Variants in PRRG1 observed in about 807,000 individuals in gnomAD.
PRRG1 encodes the protein proline rich and Gla domain 1.
PRRG1 carries 5 observed loss-of-function variants against 11.8 expected under a neutral mutation model. That is an observed-to-expected ratio of 0.42 (90% CI 0.22 to 0.89). The LOEUF is 0.89. Ranked by LOEUF, PRRG1 falls within the 40% of genes least tolerant of loss-of-function variation. The pLI, the probability that PRRG1 is intolerant of heterozygous loss-of-function variation, is 0.28. For synonymous variants in PRRG1, 66 were observed against 60.4 expected (o/e 1.09, Z -0.43); for missense variants, 155 against 166.1 (o/e 0.93, Z 0.37).
chrX:37,442,457 G>A (rs1358240326), intron 3 of PRRG1, among the ~76,000 whole-genome samples: 3 of 107,961 alleles, frequency 2.8e-5, no homozygotes, highest in African/African-American at 6.8e-5. Context: ...GGTGGGGTGA[G>A]GTGGGGTAGG....
intron 1 of PRRG1, among the ~76,000 whole-genome samples, chrX:37,352,692 C>T (rs781973532): frequency 1.8e-5 from 2 of 111,744 alleles, no homozygotes; most frequent in African/African-American, 3.2e-5. Context: ...CTGGAGAAAT[C>T]GAAAATTGGA....
chrX:37,403,143 T>G (rs1489469574), intron 1 of PRRG1, among the ~76,000 whole-genome samples: 42 of 108,590 alleles, frequency 3.9e-4, no homozygotes, highest in African/African-American at 9.7e-4. Context: ...TATACCCAAA[T>G]GACTATAAAT....
intron 3 of PRRG1, chrX:37,441,137 A>G (rs1445843441): frequency 7.5e-6 from 6 of 800,149 alleles, no homozygotes; most frequent in African/African-American, 5.0e-5. Context: ...GGAAGGAGCT[A>G]TTATACCAGA....
At chrX:37,416,903 T>C (rs1421386362) in intron 2 of PRRG1, among the ~76,000 whole-genome samples, 1 of 111,864 alleles carries the variant, frequency 8.9e-6, no homozygotes, top group Non-Finnish European at 1.9e-5. Context: ...TCTCTCTATG[T>C]CCTTTTTCCT....
At chrX:37,445,078 G>A (rs951553749) in intron 3 of PRRG1, among the ~76,000 whole-genome samples, 3 of 111,609 alleles carry the variant, frequency 2.7e-5, no homozygotes, top group African/African-American at 9.8e-5. Context: ...ATGGCTAGGC[G>A]GCGCTTGACA....
chrX:37,453,727 T>C lies in PRRG1; in HGVS notation c.*106T>C. 1 of 795,782 alleles carries C rather than the reference T, an allele frequency of 1.3e-6. No homozygotes were observed. The highest frequency in any genetic ancestry group is 1.7e-6 in the Non-Finnish European group (1 of 587,169). 65.6% of individuals were successfully genotyped at this position (795,782 alleles called of 1,213,427 possible). A position where few individuals can be genotyped will look rare whatever the true frequency, so the allele number is the denominator to read the frequency against. On this transcript the variant is annotated 3_prime_UTR_variant, in exon 4 of 4. Transcript: ENST00000378628. ...TTCATTGACTTATTTTATTGGACTC[T>C]TACCGCATACCACTTCACACTTGTT...
At chrX:37,368,522 A>G (rs1930654120) in intron 1 of PRRG1, among the ~76,000 whole-genome samples, 2 of 111,372 alleles carry the variant, frequency 1.8e-5, no homozygotes, top group Non-Finnish European at 3.8e-5. Flanking sequence ...TATCTTTTCC[A>G]TCTGTGTACT....
At chrX:37,446,856 C>T (rs1224213199) in intron 3 of PRRG1, among the ~76,000 whole-genome samples, 1 of 110,486 alleles carries the variant, frequency 9.1e-6, no homozygotes, top group Non-Finnish European at 1.9e-5. Context: ...TATAACAATC[C>T]ACTCTCTCGG....
intron 1 of PRRG1, among the ~76,000 whole-genome samples, chrX:37,390,696 G>T (rs1289997870): frequency 1.8e-5 from 2 of 111,901 alleles, no homozygotes; most frequent in Non-Finnish European, 3.8e-5. Flanking sequence ...GAGTGTCCAG[G>T]ATCGTCTTCT....
At chrX:37,422,332 A>G (rs1454612329) in intron 2 of PRRG1, among the ~76,000 whole-genome samples, 1 of 112,294 alleles carries the variant, frequency 8.9e-6, no homozygotes, top group East Asian at 2.8e-4. Flanking sequence ...AAGGAAGCCA[A>G]TAATCCTGAC....
intron 1 of PRRG1, among the ~76,000 whole-genome samples, chrX:37,380,540 T>A (rs1431494185): frequency 9.0e-6 from 1 of 110,982 alleles, no homozygotes; most frequent in Non-Finnish European, 1.9e-5. Context: ...ACTCATTGGG[T>A]TTTTAATGAG....
intron 1 of PRRG1, among the ~76,000 whole-genome samples, chrX:37,358,670 A>G (rs782008673): frequency 2.3e-4 from 26 of 111,629 alleles, no homozygotes; most frequent in Admixed American, 2.9e-4. Flanking sequence ...GTGTTCTACA[A>G]TATTGTCTTG....
intron 1 of PRRG1, among the ~76,000 whole-genome samples, chrX:37,368,053 C>T (rs1390420917): frequency 8.9e-6 from 1 of 111,946 alleles, no homozygotes; most frequent in Non-Finnish European, 1.9e-5. Flanking sequence ...AGAATACACT[C>T]CATATGATTC....
Position 37,378,667 on chromosome X carries a change from C to T in PRRG1, c.-41-27542C>T, listed in dbSNP as rs782290133. On this transcript the variant is annotated intron_variant, in intron 1 of 3. Coordinates refer to ENST00000378628, the MANE Select transcript of PRRG1 (RefSeq NM_001142395.2). Reference sequence around the variant, plus strand: ...GATCTCCTAGGATCTTTGCCAGGTTCGTAATTGCACTGAGATTTTTAATGA... The same window carrying T: ...GATCTCCTAGGATCTTTGCCAGGTTTGTAATTGCACTGAGATTTTTAATGA... 7.2e-5 allele frequency among the ~76,000 whole-genome samples: 8 copies of T among 111,378 alleles called. No homozygotes were observed. In the South Asian group the frequency reaches 1.1e-3, roughly 16 times the overall value.
At chrX:37,361,071 G>A (rs921335037) in intron 1 of PRRG1, among the ~76,000 whole-genome samples, 2 of 112,324 alleles carry the variant, frequency 1.8e-5, no homozygotes, top group Non-Finnish European at 3.8e-5. Flanking sequence ...GGCCGGGTGC[G>A]GTGGCTCACG....
intron 3 of PRRG1, among the ~76,000 whole-genome samples, chrX:37,430,564 AT>A (rs1438359874): frequency 5.4e-5 from 6 of 111,828 alleles, no homozygotes; most frequent in African/African-American, 1.9e-4. Context: ...GAATTGTAAT[AT>A]CTATACTGTA....
intron 1 of PRRG1, among the ~76,000 whole-genome samples, chrX:37,402,769 A>C (rs1400904727): frequency 3.2e-4 from 36 of 111,505 alleles, no homozygotes; most frequent in Non-Finnish European, 5.5e-4. Flanking sequence ...TCTACAATGA[A>C]CTCAAACAAA....
intron 1 of PRRG1, among the ~76,000 whole-genome samples, chrX:37,358,095 TG>T (rs1293399838): frequency 1.2e-5 from 1 of 86,723 alleles, no homozygotes; most frequent in African/African-American, 9.4e-5. Flanking sequence ...TTTCAAATCA[TG>T]TTTTTTTTTT....
At chrX:37,424,436 C>T (rs187457763) in intron 2 of PRRG1, among the ~76,000 whole-genome samples, 1 of 111,289 alleles carries the variant, frequency 9.0e-6, no homozygotes, top group Admixed American at 9.5e-5. Context: ...GATTCTGATG[C>T]GGCTAAAAGG....
Sources: gnomAD v4.1 joint callset for allele counts (sites outside exome capture counted in the v4.1 genomes callset) on GRCh38, gnomAD v4.1.1 for gene constraint, MANE v1.5 for transcripts, NCBI Gene and HGNC (gene_info 2026-07-23, HGNC 2026-07-21) for gene names.